ZNF254: variants seen among roughly 807,000 people sequenced by gnomAD.
The protein encoded by ZNF254 is CTD-2017D11.1.
ZNF254 carries 10 observed loss-of-function variants against 12.4 expected under a neutral mutation model. That is an observed-to-expected ratio of 0.80 (90% CI 0.50 to 1.36). ZNF254 has a LOEUF of 1.36. Ranked by LOEUF, ZNF254 falls within the 40% of genes most tolerant of loss-of-function variation. ZNF254 has a pLI of 0.00. For missense variants in ZNF254, 996 were observed against 763.9 expected (o/e 1.30, Z -3.58); for synonymous variants, 305 against 253.4 (o/e 1.20, Z -1.93).
chr19:24,074,590 C>T lies in ZNF254; in HGVS notation c.-94+28311C>T, dbSNP rs190661705. Among the ~76,000 whole-genome samples, 290 of 152,280 alleles carry T rather than the reference C, an allele frequency of 1.9e-3. 1 individual carries two copies. Among genetic ancestry groups the T allele is most frequent in the African/African-American group, 6.5e-3 (269 of 41,562 alleles). ...GGATAAGCACACAGGCTACGTCATT[C>T]TTCTATCTGGCCCCTGTCCACAGGG... On this transcript the variant is annotated intron_variant, in intron 2 of 4. Transcript: ENST00000613065.
At position 24,051,393 on chromosome 19, in the gene ZNF254, C is replaced by A. The variant is rs187630981; in HGVS notation, c.-94+5114C>A. On this transcript the variant is annotated intron_variant, in intron 2 of 4. Coordinates refer to the ZNF254 transcript ENST00000613065. Reference sequence around the variant, plus strand: ...CAGGCTGGTCTCGAATTCCTGACCTCAAGTGAGCCACCTGCCTTGGCCTCC... The same window carrying A: ...CAGGCTGGTCTCGAATTCCTGACCTAAAGTGAGCCACCTGCCTTGGCCTCC... 1.1e-4 allele frequency among the ~76,000 whole-genome samples: 17 copies of A among 152,182 alleles called. No homozygotes were observed. The East Asian group carries it at 3.3e-3, about 30-fold the overall frequency.
chr19:24,052,221 T>C (rs765493841), intron 2 of ZNF254, among the ~76,000 whole-genome samples: 2 of 152,218 alleles, frequency 1.3e-5, no homozygotes, highest in Non-Finnish European at 2.9e-5. Context: ...CCTGCATGCA[T>C]TGTGTGTTGT....
chr19:24,091,167 A>G (rs553102762), intron 1 of ZNF254, among the ~76,000 whole-genome samples: 3 of 150,888 alleles, frequency 2.0e-5, no homozygotes, highest in East Asian at 2.0e-4. Flanking sequence ...CTGGTCTTGA[A>G]CTCCTGACCT....
intron 2 of ZNF254, among the ~76,000 whole-genome samples, chr19:24,081,768 G>A (rs1456195587): frequency 6.6e-6 from 1 of 152,106 alleles, no homozygotes; most frequent in Admixed American, 6.6e-5. Flanking sequence ...CACCTTTACC[G>A]TTTGGATTGA....
At chr19:24,096,310 C>G (rs1972668910) in intron 1 of ZNF254, among the ~76,000 whole-genome samples, 1 of 152,076 alleles carries the variant, frequency 6.6e-6, no homozygotes, top group South Asian at 2.1e-4. Context: ...CTGCCTGCCT[C>G]AGCCTCCCAA....
Position 24,127,050 on chromosome 19 carries a change from C to A in ZNF254, c.1050C>A (p.Tyr350Ter), listed in dbSNP as rs774890014. 4 of 1,613,570 alleles carry A rather than the reference C, an allele frequency of 2.5e-6. No homozygotes were observed. The South Asian group carries it at 4.4e-5, about 18-fold the overall frequency. The change falls in exon 4 of 4, where the codon TAC becomes TAA. Residue 350 changes from tyrosine to a stop codon, truncating the protein, a stop_gained. Coordinates refer to ENST00000357002, the MANE Select transcript of ZNF254 (RefSeq NM_203282.4). LOFTEE classifies it low-confidence loss of function (END_TRUNC). ...GGATGCACACTGGAGAGAAACCCTA[C>A]AAATGTGAAGAATGTGGCAAAGCTT... ...HKRMHTGEKP[Y>*]KCEECGKAFS...
chr19:24,127,522 C>T lies in ZNF254; in HGVS notation c.1522C>T (p.His508Tyr). 2 of 1,613,518 alleles carry T rather than the reference C, an allele frequency of 1.2e-6. No individual in the cohort carries two copies. The highest frequency in any genetic ancestry group is 1.7e-6 in the Non-Finnish European group (2 of 1,179,828). The change falls in exon 4 of 4, where the codon CAT (histidine) becomes TAT (tyrosine). Residue 508 changes from histidine to tyrosine, a missense_variant. Coordinates refer to ENST00000357002, the MANE Select transcript of ZNF254 (RefSeq NM_203282.4). ...TAGCCAATCCTCAACCCTTACTACA[C>T]ATAAGATAATTCATACTGGAGAGAA... ...SFSQSSTLTTHKIIHTGEKPY... is the reference protein window; with the variant it reads ...SFSQSSTLTTYKIIHTGEKPY...
intron 1 of ZNF254, among the ~76,000 whole-genome samples, chr19:24,096,464 T>C (rs1972678561): frequency 6.6e-6 from 1 of 152,216 alleles, no homozygotes; most frequent in African/African-American, 2.4e-5. Flanking sequence ...TTTTATGTAA[T>C]TGTATCAGTT....
chr19:24,044,956 T>C (rs1172141609), intron 1 of ZNF254, among the ~76,000 whole-genome samples: 1 of 152,234 alleles, frequency 6.6e-6, no homozygotes, highest in Non-Finnish European at 1.5e-5. Flanking sequence ...ATACGTTGTC[T>C]CTGAGTCGGA....
In ZNF254 at chr19:24,127,786, C is replaced by T. The variant is rs764795930; in HGVS notation, c.1786C>T (p.His596Tyr). The change falls in exon 4 of 4, where the codon CAT (histidine) becomes TAT (tyrosine). Residue 596 changes from histidine (H) to tyrosine (Y), a missense_variant. Coordinates refer to ENST00000357002, the MANE Select transcript of ZNF254 (RefSeq NM_203282.4). ...AACTTTTACTAAACATAAGGTAATT[C>T]ATACTGGAGTAAAACCCTACAAATG... ...SSTFTKHKVI[H>Y]TGVKPYKCEE... 6.2e-7 allele frequency: 1 copy of T among 1,612,520 alleles called. No homozygotes were observed. Among genetic ancestry groups the T allele is most frequent in the Non-Finnish European group, 8.5e-7 (1 of 1,179,470 alleles).
At chr19:24,049,214 A>ATTTTTTT (rs66491625) in intron 2 of ZNF254, among the ~76,000 whole-genome samples, 49 of 40,846 alleles carry the variant, frequency 1.2e-3, no homozygotes, top group South Asian at 1.7e-3. Flanking sequence ...ATATATATAT[A>ATTTTTTT]TTTTTTTTTT....
chr19:24,062,772 A>G (rs1367173196), intron 2 of ZNF254, among the ~76,000 whole-genome samples: 12 of 152,048 alleles, frequency 7.9e-5, no homozygotes. Context: ...AATTCAGCAC[A>G]CCTTTGTGAC....
At position 24,074,069 on chromosome 19, in the gene ZNF254, C is replaced by T. The variant is rs571048503; in HGVS notation, c.-94+27790C>T. 9.4e-4 allele frequency among the ~76,000 whole-genome samples: 143 copies of T among 152,270 alleles called. 1 individual carries two copies. Among genetic ancestry groups the T allele is most frequent in the African/African-American group, 3.3e-3 (139 of 41,560 alleles). Reference sequence around the variant, plus strand: ...TGAGACATATGGCTGAGCCCCACACCTTGGTTATGTGACTCTCATTCCTGT... The same window carrying T: ...TGAGACATATGGCTGAGCCCCACACTTTGGTTATGTGACTCTCATTCCTGT... On this transcript the variant is annotated intron_variant, in intron 2 of 4. Coordinates refer to the ZNF254 transcript ENST00000613065.
chr19:24,059,945 C>T (rs1971006751), intron 2 of ZNF254, among the ~76,000 whole-genome samples: 1 of 152,126 alleles, frequency 6.6e-6, no homozygotes, highest in Non-Finnish European at 1.5e-5. Context: ...GCCTCATTAC[C>T]TAGAAAGATG....
At chr19:24,106,148 A>C in intron 2 of ZNF254, 82 bp downstream of exon 2, 1 of 1,457,224 alleles carries the variant, frequency 6.9e-7, no homozygotes, top group Non-Finnish European at 9.1e-7. Flanking sequence ...TAATTTACGC[A>C]TTCAGATTTC....
At chr19:24,044,924 A>G (rs1970321162) in intron 1 of ZNF254, among the ~76,000 whole-genome samples, 1 of 152,180 alleles carries the variant, frequency 6.6e-6, no homozygotes, top group African/African-American at 2.4e-5. Context: ...ATGTATAGAG[A>G]TTTGATGTTA....
intron 2 of ZNF254, chr19:24,080,103 T>A (rs1268283408): frequency 1.3e-5 from 2 of 152,136 alleles, no homozygotes; most frequent in Non-Finnish European, 2.9e-5. Flanking sequence ...TCCCCAAACT[T>A]CTCTGGAACA....
chr19:24,084,519 A>G (rs1269106672), upstream of ZNF254, among the ~76,000 whole-genome samples: 1 of 152,132 alleles, frequency 6.6e-6, no homozygotes, highest in Non-Finnish European at 1.5e-5. Flanking sequence ...TTATCCATGT[A>G]TCCAAACATC....
intron 2 of ZNF254, among the ~76,000 whole-genome samples, chr19:24,077,446 C>T (rs1263541841): frequency 6.6e-6 from 1 of 152,186 alleles, no homozygotes; most frequent in Admixed American, 6.5e-5. Context: ...GTCACTACTG[C>T]ACCCCAGACT....
Sources: gnomAD v4.1 joint callset for allele counts (sites outside exome capture counted in the v4.1 genomes callset) on GRCh38, gnomAD v4.1.1 for gene constraint, MANE v1.5 for transcripts, NCBI Gene and HGNC (gene_info 2026-07-23, HGNC 2026-07-21) for gene names.